The following ADCK1 variants were observed in gnomAD, a reference collection of about 807,000 sequenced individuals.
The protein encoded by ADCK1 is aarF domain-containing protein kinase 1.
Under a neutral mutation model 52.3 loss-of-function variants are expected in ADCK1, and 41 were observed. That is an observed-to-expected ratio of 0.78 (90% CI 0.61 to 1.02). ADCK1 has a LOEUF of 1.02. Ranked by LOEUF, ADCK1 falls within the 50% of genes least tolerant of loss-of-function variation. The pLI is 0.00. For missense variants in ADCK1, 658 were observed against 679.5 expected (o/e 0.97, Z 0.35); for synonymous variants, 250 against 274.6 (o/e 0.91, Z 0.89).
intron 7 of ADCK1, among the ~76,000 whole-genome samples, chr14:77,920,978 T>G (rs1300615426): frequency 6.6e-6 from 1 of 152,006 alleles, no homozygotes; most frequent in African/African-American, 2.4e-5. Flanking sequence ...GAGCCGTGCT[T>G]TAAACTTTGA....
rs147439901 is a variant in ADCK1 at position 77,903,059 on chromosome 14, C to T, written c.741+3801C>T. Among the ~76,000 whole-genome samples, 1,097 of 152,236 alleles carry T rather than the reference C, an allele frequency of 7.2e-3. 15 individuals are homozygous for T. Among genetic ancestry groups the T allele is most frequent in the African/African-American group, 0.025 (1,043 of 41,530 alleles). ...TTCCCATGGAAACAGCAAAATTGTCCCCTGGCTGGGGCCAACTGGCAAGTG... is the reference window on the plus strand; with the variant it reads ...TTCCCATGGAAACAGCAAAATTGTCTCCTGGCTGGGGCCAACTGGCAAGTG... On this transcript the variant is annotated intron_variant, in intron 6 of 10. Transcript: ENST00000238561.
At chr14:77,893,853 C>G (rs2083337307) in intron 5 of ADCK1, among the ~76,000 whole-genome samples, 1 of 151,988 alleles carries the variant, frequency 6.6e-6, no homozygotes, top group Non-Finnish European at 1.5e-5. Flanking sequence ...CCTACCTCAG[C>G]CTCCCAAGTA....
At chr14:77,845,817 T>C (rs1002676246) in intron 3 of ADCK1, among the ~76,000 whole-genome samples, 8 of 152,206 alleles carry the variant, frequency 5.3e-5, no homozygotes, top group African/African-American at 1.9e-4. Context: ...GCAGTATCCC[T>C]CAGAGTTGCC....
At chr14:77,837,351 TG>T (rs1312087938) in intron 3 of ADCK1, among the ~76,000 whole-genome samples, 2 of 152,170 alleles carry the variant, frequency 1.3e-5, no homozygotes, top group Non-Finnish European at 2.9e-5. Flanking sequence ...CTGGCCAGGC[TG>T]GTCTTCAACT....
At chr14:77,815,835 A>G (rs569058229) in intron 1 of ADCK1, among the ~76,000 whole-genome samples, 331 of 93,470 alleles carry the variant, frequency 3.5e-3, no homozygotes, top group Non-Finnish European at 5.6e-3. Context: ...TTTTTTTTTG[A>G]GATGGAGTCT....
chr14:77,807,395 A>T (rs2081252134), intron 1 of ADCK1, among the ~76,000 whole-genome samples: 1 of 149,722 alleles, frequency 6.7e-6, no homozygotes. Context: ...TCTGTTGCCC[A>T]GGTTGGTGTG....
chr14:77,875,736 T>C (rs747663632), intron 4 of ADCK1, among the ~76,000 whole-genome samples: 4 of 152,130 alleles, frequency 2.6e-5, no homozygotes, highest in Non-Finnish European at 4.4e-5. Context: ...GAGAGGAAGA[T>C]GTCGCTTCAA....
At chr14:77,886,855 C>T (rs1332101822) in intron 4 of ADCK1, among the ~76,000 whole-genome samples, 1 of 151,940 alleles carries the variant, frequency 6.6e-6, no homozygotes, top group Admixed American at 6.6e-5. Flanking sequence ...TGCAGTGAGC[C>T]AAGATCATGC....
chr14:77,899,119 A>C lies in ADCK1; in HGVS notation c.602A>C (p.Lys201Thr), dbSNP rs748014203. The C allele has an allele frequency of 3.7e-6, 6 of 1,613,982 alleles. No homozygotes were observed. In the South Asian group the frequency reaches 6.6e-5, roughly 18 times the overall value. ...TTTCAGGTGCTCGTTCTGGCTGTGA[A>C]GCAGCTGTTCCCAGAGTTTGAGTTT... ...LLMEVLVLAVKQLFPEFEFMW... is the reference protein window; with the variant it reads ...LLMEVLVLAVTQLFPEFEFMW... Residue 201 changes from lysine to threonine, a missense_variant, in exon 6 of 11, where the codon AAG becomes ACG. Physicochemically the swap from Lys to Thr is moderately conservative, Grantham distance 78. Coordinates refer to ENST00000238561, the MANE Select transcript of ADCK1 (RefSeq NM_020421.4).
At chr14:77,854,834 C>T (rs2082384744) in intron 3 of ADCK1, among the ~76,000 whole-genome samples, 1 of 152,206 alleles carries the variant, frequency 6.6e-6, no homozygotes, top group South Asian at 2.1e-4. Context: ...GCTGGGATTA[C>T]AGGCGTCAGC....
chr14:77,816,823 T>C (rs2081461229), intron 1 of ADCK1, among the ~76,000 whole-genome samples: 2 of 146,980 alleles, frequency 1.4e-5, no homozygotes, highest in African/African-American at 2.5e-5. Context: ...GGATGCAGTC[T>C]TGGGGACTGG....
chr14:77,824,142 G>A lies in ADCK1; in HGVS notation c.219+1624G>A, dbSNP rs549190135. 5.3e-5 allele frequency among the ~76,000 whole-genome samples: 8 copies of A among 150,266 alleles called. No individual in the cohort carries two copies. In the South Asian group the frequency reaches 8.5e-4, roughly 16 times the overall value. The stretch of plus-strand genomic sequence containing the variant: ...TTGAACTCCTGGCCTCAAGTGATCC[G>A]CCGCCTCAGCCTCCCGAAGTGCTGG... On this transcript the variant is annotated intron_variant, in intron 3 of 10. Transcript: ENST00000238561.
chr14:77,917,855 G>A (rs2083961554), intron 7 of ADCK1, among the ~76,000 whole-genome samples: 1 of 152,114 alleles, frequency 6.6e-6, no homozygotes, highest in African/African-American at 2.4e-5. Context: ...TTGGAGTGGG[G>A]TGGTGTTCAG....
chr14:77,916,949 AGTGG>A, intron 7 of ADCK1, among the ~76,000 whole-genome samples: 1 of 152,206 alleles, frequency 6.6e-6, no homozygotes, highest in Non-Finnish European at 1.5e-5. Context: ...GGCCAGCACT[AGTGG>A]CTCATACCTG....
At chr14:77,888,314 A>T (rs1160516781) in intron 5 of ADCK1, among the ~76,000 whole-genome samples, 1 of 152,012 alleles carries the variant, frequency 6.6e-6, no homozygotes, top group African/African-American at 2.4e-5. Context: ...TGAGGCTGGG[A>T]AGGTAGGTAG....
intron 4 of ADCK1, among the ~76,000 whole-genome samples, chr14:77,868,668 G>A (rs2082712880): frequency 6.6e-6 from 1 of 152,220 alleles, no homozygotes; most frequent in Admixed American, 6.5e-5. Context: ...ATCGGCTGGT[G>A]TGTCTGGATT....
In ADCK1 at chr14:77,839,699, C is replaced by T. The variant is rs138543868; in HGVS notation, c.219+17181C>T. The stretch of plus-strand genomic sequence containing the variant: ...CTGTAATCCCAGCACTTTGGGAGGC[C>T]GATGCAGGTGGATGACGTGAGATCA... On this transcript the variant is annotated intron_variant, in intron 3 of 10. Transcript: ENST00000238561. Among the ~76,000 whole-genome samples, 178 of 151,768 alleles carry T rather than the reference C, an allele frequency of 1.2e-3. 2 individuals carry two copies. Among genetic ancestry groups the T allele is most frequent in the African/African-American group, 3.9e-3 (160 of 41,378 alleles).
At chr14:77,843,476 G>T (rs1191975467) in intron 3 of ADCK1, among the ~76,000 whole-genome samples, 1 of 152,170 alleles carries the variant, frequency 6.6e-6, no homozygotes, top group Non-Finnish European at 1.5e-5. Context: ...TGGAGGGAAG[G>T]GTCCTCTTCA....
At chr14:77,933,077 G>A (rs2140310033) in intron 10 of ADCK1, 143 bp from the exon 11 acceptor site, 1 of 737,934 alleles carries the variant, frequency 1.4e-6, no homozygotes, top group South Asian at 1.9e-5. Context: ...GGTATAGTAT[G>A]ATCCTGTATC....
Sources: allele counts gnomAD v4.1 joint callset (sites outside exome capture counted in the v4.1 genomes callset), GRCh38; gene constraint gnomAD v4.1.1; transcripts MANE v1.5; gene names NCBI Gene and HGNC (gene_info 2026-07-23, HGNC 2026-07-21).